Variants in GBE1 observed in about 807,000 individuals in gnomAD.
GBE1 encodes 1,4-alpha-glucan branching enzyme 1.
In GBE1, 70 loss-of-function variants were observed where a neutral mutation model predicts 88.8. The ratio of observed to expected loss-of-function variants is 0.79; its 90% CI spans 0.65 to 0.96. GBE1 has a LOEUF of 0.96. GBE1 is among the 40% of genes least tolerant of loss of function. The pLI is 0.00. For synonymous variants in GBE1, 284 were observed against 300.1 expected (o/e 0.95, Z 0.56); for missense variants, 872 against 871.0 (o/e 1.00, Z -0.01).
chr3:81,619,444 T>G (rs577453124), intron 7 of GBE1, among the ~76,000 whole-genome samples: 3 of 152,300 alleles, frequency 2.0e-5, no homozygotes, highest in South Asian at 4.1e-4. Flanking sequence ...AACTATAGAT[T>G]ATCATGCTAA....
chr3:81,701,041 T>C (rs953853805), intron 2 of GBE1, among the ~76,000 whole-genome samples: 1 of 152,188 alleles, frequency 6.6e-6, no homozygotes, highest in South Asian at 2.1e-4. Flanking sequence ...GCAATAAACA[T>C]GATTGAGAAC....
intron 1 of GBE1, among the ~76,000 whole-genome samples, chr3:81,750,643 ATG>A (rs1453874485): frequency 0.027 from 1,355 of 49,614 alleles, 158 homozygotes; most frequent in African/African-American, 0.12. Flanking sequence ...ATATATATAT[ATG>A]TATATATATA....
At chr3:81,680,523 T>C in intron 2 of GBE1, among the ~76,000 whole-genome samples, 1 of 150,922 alleles carries the variant, frequency 6.6e-6, no homozygotes, top group South Asian at 2.1e-4. Flanking sequence ...AGAAAATTTC[T>C]CCAATTTCAC....
chr3:81,633,239 A>G (rs1704542697), intron 7 of GBE1, among the ~76,000 whole-genome samples: 1 of 152,204 alleles, frequency 6.6e-6, no homozygotes, highest in Non-Finnish European at 1.5e-5. Flanking sequence ...TGACAGTGAC[A>G]ATGACAATTA....
intron 13 of GBE1, 147 bp downstream of exon 13, chr3:81,536,764 T>C: frequency 2.0e-6 from 1 of 507,672 alleles, no homozygotes; most frequent in Non-Finnish European, 3.4e-6. Flanking sequence ...GTGACATGTT[T>C]TGACAACCTG....
chr3:81,582,774 A>G (rs1703751567), intron 10 of GBE1, among the ~76,000 whole-genome samples: 1 of 152,106 alleles, frequency 6.6e-6, no homozygotes. Context: ...TTAAATATAA[A>G]AAATAAAAAC....
chr3:81,614,308 C>T (rs952648015), intron 7 of GBE1, among the ~76,000 whole-genome samples: 1 of 152,196 alleles, frequency 6.6e-6, no homozygotes, highest in African/African-American at 2.4e-5. Context: ...AAAAACCCTA[C>T]CATAATTTCT....
chr3:81,705,584 T>C lies in GBE1; in HGVS notation c.173A>G (p.Asn58Ser), dbSNP rs372507841. Residue 58 changes from asparagine to serine, a missense_variant, in exon 2 of 16, where the codon AAC becomes AGC. By Grantham distance (46) the Asn-to-Ser change is conservative. Transcript: ENST00000429644. ...RYKQFSQILK[N>S]IGENEGGIDK... ...AATACCACCTTCATTTTCTCCAATG[T>C]TCTTCAAAATTTGGCTAAACTGCTT... is the stretch of plus-strand genomic sequence containing the variant. The C allele has an allele frequency of 1.9e-5, 30 of 1,568,968 alleles. No individual in the cohort carries two copies. The highest frequency in any genetic ancestry group is 2.5e-5 in the Non-Finnish European group (29 of 1,156,210).
chr3:81,703,527 A>T (rs960327431), intron 2 of GBE1, among the ~76,000 whole-genome samples: 11 of 151,998 alleles, frequency 7.2e-5, no homozygotes, highest in African/African-American at 2.4e-4. Flanking sequence ...ACTGAATTTT[A>T]TATTTTATTT....
At chr3:81,606,604 G>A (rs1358728188) in intron 7 of GBE1, among the ~76,000 whole-genome samples, 2 of 152,150 alleles carry the variant, frequency 1.3e-5, no homozygotes, top group African/African-American at 2.4e-5. Flanking sequence ...TTCTGTTCTT[G>A]AAGCACAGAC....
Position 81,722,525 on chromosome 3 carries a change from A to T in GBE1, c.144-16912T>A, listed in dbSNP as rs914366270. ...CTATAATATTACTTTAAAATTTATT[A>T]TTTAAAAATAATTTAAAAGTTTTAA... On this transcript the variant is annotated intron_variant, in intron 1 of 15. Coordinates refer to ENST00000429644, the MANE Select transcript of GBE1 (RefSeq NM_000158.4). Among the ~76,000 whole-genome samples the T allele has an allele frequency of 2.0e-5, 3 of 152,024 alleles. No homozygotes were observed. The East Asian group carries it at 5.8e-4, about 29-fold the overall frequency.
intron 14 of GBE1, among the ~76,000 whole-genome samples, chr3:81,502,197 A>C (rs1559625806): frequency 6.6e-6 from 1 of 152,108 alleles, no homozygotes; most frequent in Non-Finnish European, 1.5e-5. Context: ...AAGTCACAAA[A>C]TTTAATAGTT....
intron 1 of GBE1, among the ~76,000 whole-genome samples, chr3:81,742,265 C>T (rs1706359776): frequency 6.6e-6 from 1 of 151,924 alleles, no homozygotes. Flanking sequence ...AATTTGCTAC[C>T]TACTAAATGA....
chr3:81,694,282 A>G (rs1326153333), intron 2 of GBE1, among the ~76,000 whole-genome samples: 31 of 152,182 alleles, frequency 2.0e-4, no homozygotes, highest in Non-Finnish European at 5.9e-5. Flanking sequence ...GATAGGAGGG[A>G]GGAACAAATG....
rs527358183 is a variant in GBE1, at chr3:81,585,861, A to G, written c.1335+231T>C. Among the ~76,000 whole-genome samples the G allele has an allele frequency of 6.6e-3, 1,006 of 152,340 alleles. 7 individuals are homozygous for G. Among genetic ancestry groups the G allele is most frequent in the Non-Finnish European group, 9.6e-3 (654 of 68,026 alleles). On this transcript the variant is annotated intron_variant, in intron 10 of 15. Coordinates refer to ENST00000429644, the MANE Select transcript of GBE1 (RefSeq NM_000158.4). Reference sequence around the variant, plus strand: ...AAATTCCATTTATACAGCTAACATGATATTAATCATATTTTCCCTTTGCCT... The same window carrying G: ...AAATTCCATTTATACAGCTAACATGGTATTAATCATATTTTCCCTTTGCCT...
chr3:81,491,851 T>G (rs1226482051), intron 15 of GBE1, among the ~76,000 whole-genome samples: 3 of 152,168 alleles, frequency 2.0e-5, no homozygotes, highest in Non-Finnish European at 4.4e-5. Context: ...CCAATGCATC[T>G]CAACTCTACA....
chr3:81,747,814 C>T (rs1265019943), intron 1 of GBE1, among the ~76,000 whole-genome samples: 3 of 152,186 alleles, frequency 2.0e-5, no homozygotes, highest in Admixed American at 6.5e-5. Flanking sequence ...AGAACAACCC[C>T]CTTTGACTGT....
intron 12 of GBE1, among the ~76,000 whole-genome samples, chr3:81,553,700 AACAG>A (rs1345832507): frequency 6.6e-6 from 1 of 151,112 alleles, no homozygotes; most frequent in Admixed American, 6.6e-5. Flanking sequence ...AAAAAAAAAA[AACAG>A]ACAGAAAGTA....
chr3:81,551,732 T>C (rs1273231740), intron 12 of GBE1, among the ~76,000 whole-genome samples: 1 of 152,198 alleles, frequency 6.6e-6, no homozygotes, highest in Non-Finnish European at 1.5e-5. Context: ...GCTGGACACA[T>C]GTCATCAGGA....
Sources: allele counts gnomAD v4.1 joint callset (sites outside exome capture counted in the v4.1 genomes callset), GRCh38; gene constraint gnomAD v4.1.1; transcripts MANE v1.5; gene names NCBI Gene and HGNC (gene_info 2026-07-23, HGNC 2026-07-21).